CRACD: variants seen among roughly 807,000 people sequenced by gnomAD.
CRACD encodes capping protein-inhibiting regulator of actin dynamics.
A neutral mutation model predicts 106.8 loss-of-function variants in CRACD; 56 were observed. That is an observed-to-expected ratio of 0.52 (90% CI 0.42 to 0.66). The LOEUF (loss-of-function observed/expected upper bound fraction) is 0.66. Ranked by LOEUF, CRACD falls within the 30% of genes least tolerant of loss-of-function variation. The pLI, the probability that CRACD is intolerant of heterozygous loss-of-function variation, is 0.00. For missense variants in CRACD, 1,730 were observed against 1,623.2 expected (o/e 1.07, Z -1.13); for synonymous variants, 754 against 670.8 (o/e 1.12, Z -1.92).
chr4:56,060,871 T>C (rs1732246498), intron 1 of CRACD, among the ~76,000 whole-genome samples: 1 of 152,084 alleles, frequency 6.6e-6, no homozygotes, highest in African/African-American at 2.4e-5. Context: ...GAAGACACCA[T>C]CTATAAGCCA....
rs553234645 is a variant in CRACD at position 56,298,131 on chromosome 4, C to T, written c.-16-83C>T. 1.6e-4 allele frequency: 223 copies of T among 1,414,042 alleles called. No homozygotes were observed. In the Admixed American group the frequency reaches 3.9e-3, roughly 25 times the overall value. 87.6% of individuals were successfully genotyped at this position (1,414,042 alleles called of 1,614,324 possible). A position where few individuals can be genotyped will look rare whatever the true frequency, so the allele number is the denominator to read the frequency against. On this transcript the variant is annotated intron_variant, in intron 3 of 10. Coordinates refer to ENST00000682029, the MANE Select transcript of CRACD (RefSeq NM_001393381.1). ...ATGAGACTGGGAATGTGGGTGGAGT[C>T]CCTCCAATCAGGAATAATGGAAAAC...
intron 2 of CRACD, among the ~76,000 whole-genome samples, chr4:56,259,605 T>C (rs911341764): frequency 1.3e-5 from 2 of 151,970 alleles, no homozygotes; most frequent in Non-Finnish European, 2.9e-5. Flanking sequence ...AATCAAGGGG[T>C]AGAAATAAGA....
chr4:56,170,769 C>T (rs1275114799), intron 1 of CRACD, among the ~76,000 whole-genome samples: 3 of 152,052 alleles, frequency 2.0e-5, no homozygotes, highest in Non-Finnish European at 4.4e-5. Context: ...AGCCCAGGAG[C>T]TCGAGGTTAC....
Position 56,315,462 on chromosome 4 carries a change from C to T in CRACD, c.1960C>T (p.Pro654Ser). The change falls in exon 8 of 11, where the codon CCC becomes TCC. Residue 654 changes from proline to serine, a missense_variant. Coordinates refer to ENST00000682029, the MANE Select transcript of CRACD (RefSeq NM_001393381.1). This position sits in a 1 kb window ranked among gnomAD's most constrained non-coding sequence, Gnocchi z 4.1. ...GAGGGCGGGCAGCGGGAAGGCTAAG[C>T]CCCGCCAGGAGTCTCCCAGCAGCGC... ...DARAGSGKAK[P>S]RQESPSSASA... 6.2e-7 allele frequency: 1 copy of T among 1,612,998 alleles called. No homozygotes were observed. The highest frequency in any genetic ancestry group is 8.5e-7 in the Non-Finnish European group (1 of 1,179,802).
chr4:56,176,543 C>T (rs7683853), intron 1 of CRACD, among the ~76,000 whole-genome samples: 100,288 of 151,370 alleles, frequency 0.66, 33,573 homozygotes, highest in Admixed American at 0.7. Context: ...ATTCTCCCGC[C>T]TCAGCCTCCC....
intron 2 of CRACD, among the ~76,000 whole-genome samples, chr4:56,221,368 A>G (rs2109513464): frequency 6.6e-6 from 1 of 152,336 alleles, no homozygotes; most frequent in East Asian, 1.9e-4. Flanking sequence ...TTGTAAATGC[A>G]TACAAATATA....
chr4:56,316,775 G>A, intron 8 of CRACD, 86 bp downstream of exon 8: 1 of 1,435,512 alleles, frequency 7.0e-7, no homozygotes, highest in Non-Finnish European at 9.4e-7. Context: ...AGGTTCATGA[G>A]AATAATTTAC....
At chr4:56,222,831 G>A (rs1739115830) in intron 2 of CRACD, among the ~76,000 whole-genome samples, 1 of 151,664 alleles carries the variant, frequency 6.6e-6, no homozygotes, top group African/African-American at 2.4e-5. Flanking sequence ...AAATTAGCTG[G>A]GCATGTGGGT....
At chr4:56,255,792 G>T (rs545327982) in intron 2 of CRACD, among the ~76,000 whole-genome samples, 2 of 152,308 alleles carry the variant, frequency 1.3e-5, no homozygotes, top group South Asian at 4.1e-4. Context: ...ATGTCTGGTG[G>T]CTTTTCTTTG....
intron 3 of CRACD, among the ~76,000 whole-genome samples, chr4:56,286,765 T>C (rs62310628): frequency 6.6e-6 from 1 of 152,136 alleles, no homozygotes; most frequent in African/African-American, 2.4e-5. Context: ...GTCCTCTGGC[T>C]CCCACTGCTG....
At chr4:56,296,237 T>C (rs1343905234) in intron 3 of CRACD, among the ~76,000 whole-genome samples, 1 of 152,178 alleles carries the variant, frequency 6.6e-6, no homozygotes, top group Non-Finnish European at 1.5e-5. Flanking sequence ...AATTTGGATG[T>C]CTTTATATAA....
intron 2 of CRACD, among the ~76,000 whole-genome samples, chr4:56,192,686 A>G (rs2109459060): frequency 6.6e-6 from 1 of 152,330 alleles, no homozygotes; most frequent in African/African-American, 2.4e-5. Context: ...GGGAAAGAAA[A>G]AAAACCATAA....
At chr4:56,196,309 G>A (rs545020190) in intron 2 of CRACD, 1 of 152,934 alleles carries the variant, frequency 6.5e-6, no homozygotes, top group South Asian at 2.1e-4. Context: ...TAAGCTTTGT[G>A]CTCATAGATT....
rs915753139 is a variant in CRACD, at chr4:56,314,652, G to A, written c.1150G>A (p.Glu384Lys). ...QQEAEVQGPPEALEETGEGRR... is the reference protein window; with the variant it reads ...QQEAEVQGPPKALEETGEGRR... The stretch of plus-strand genomic sequence containing the variant: ...GGAGGCGGAGGTGCAGGGGCCGCCC[G>A]AGGCGTTGGAGGAGACTGGGGAGGG... The change falls in exon 8 of 11, where the codon GAG (glutamate) becomes AAG (lysine). Residue 384 changes from glutamate to lysine, a missense_variant. Coordinates refer to ENST00000682029, the MANE Select transcript of CRACD (RefSeq NM_001393381.1). This position sits in a 1 kb window ranked among gnomAD's most constrained non-coding sequence, Gnocchi z 4.4. The A allele has an allele frequency of 1.3e-6, 2 of 1,545,880 alleles. No individual in the cohort carries two copies. Among genetic ancestry groups the A allele is most frequent in the Admixed American group, 2.0e-5 (1 of 50,754 alleles).
At chr4:56,296,278 A>T (rs1342442480) in intron 3 of CRACD, among the ~76,000 whole-genome samples, 1 of 152,134 alleles carries the variant, frequency 6.6e-6, no homozygotes, top group Non-Finnish European at 1.5e-5. Flanking sequence ...CATCTGTCAC[A>T]AGATGGTGAT....
intron 2 of CRACD, among the ~76,000 whole-genome samples, chr4:56,258,080 C>CAAAAAAA (rs568556506): frequency 1.6e-5 from 2 of 123,336 alleles, no homozygotes; most frequent in African/African-American, 3.0e-5. Flanking sequence ...GAAAAAAAAA[C>CAAAAAAA]AAAAAAAAAA....
intron 1 of CRACD, among the ~76,000 whole-genome samples, chr4:56,087,504 C>G (rs576257281): frequency 6.6e-6 from 1 of 152,318 alleles, no homozygotes; most frequent in East Asian, 1.9e-4. Context: ...TGGGCTGGTT[C>G]ACCCCTTTAA....
At chr4:56,229,346 T>A (rs957381831) in intron 2 of CRACD, among the ~76,000 whole-genome samples, 5 of 152,152 alleles carry the variant, frequency 3.3e-5, no homozygotes, top group Admixed American at 1.3e-4. Context: ...GAGGACACCA[T>A]GTTTGTCCCT....
chr4:56,216,235 C>G (rs991608617), intron 2 of CRACD: 2 of 152,260 alleles, frequency 1.3e-5, no homozygotes, highest in African/African-American at 4.8e-5. Flanking sequence ...TGATAACTAA[C>G]TCATCTTCCT....
Sources: allele counts gnomAD v4.1 joint callset (sites outside exome capture counted in the v4.1 genomes callset), GRCh38; gene constraint gnomAD v4.1.1; non-coding constraint Gnocchi (gnomAD v3.1); transcripts MANE v1.5; gene names NCBI Gene and HGNC (gene_info 2026-07-23, HGNC 2026-07-21).